Variants in BICD1 observed in about 807,000 individuals in gnomAD.
BICD1 encodes the protein BICD cargo adaptor 1, also known as protein bicaudal D homolog 1.
A neutral mutation model predicts 92.5 loss-of-function variants in BICD1; 35 were observed. That is an observed-to-expected ratio of 0.38 (90% CI 0.29 to 0.50). The LOEUF (loss-of-function observed/expected upper bound fraction) is 0.50, where lower values mean the gene tolerates loss of function less well. BICD1 is among the 20% of genes least tolerant of loss of function. The pLI, the probability that BICD1 is intolerant of heterozygous loss-of-function variation, is 0.93. For missense variants in BICD1, 950 were observed against 1,189.8 expected (o/e 0.80, Z 2.97); for synonymous variants, 429 against 465.1 (o/e 0.92, Z 1.00).
At chr12:32,200,533 G>A (rs1454596831) in intron 1 of BICD1, among the ~76,000 whole-genome samples, 2 of 152,194 alleles carry the variant, frequency 1.3e-5, no homozygotes, top group Admixed American at 6.5e-5. Context: ...GCAGTAGATA[G>A]TATGGTATAT....
At chr12:32,341,075 A>C (rs1565683804) in intron 8 of BICD1, among the ~76,000 whole-genome samples, 1 of 152,044 alleles carries the variant, frequency 6.6e-6, no homozygotes. Flanking sequence ...ACATCTTACA[A>C]CTCTAAAGTC....
intron 2 of BICD1, among the ~76,000 whole-genome samples, chr12:32,286,462 A>T (rs1207435660): frequency 6.6e-6 from 1 of 152,244 alleles, no homozygotes; most frequent in African/African-American, 2.4e-5. Context: ...CAAAAAAAGA[A>T]TGTAATGAAA....
At chr12:32,367,959 T>C (rs1939588718) in intron 9 of BICD1, 3 of 528,416 alleles carry the variant, frequency 5.7e-6, no homozygotes, top group African/African-American at 5.7e-5. Flanking sequence ...GGCTGCCAGC[T>C]GGTAGACTCT....
In BICD1 at chr12:32,173,520, C is replaced by T. The variant is rs568879353; in HGVS notation, c.214-42727C>T. On this transcript the variant is annotated intron_variant, in intron 1 of 9. Transcript: ENST00000652176. ...TCTCAGCTATCTATGAGAGCTGTAGCTTACATTGTGATCATTCTGGTAAAT... is the reference window on the plus strand; with the variant it reads ...TCTCAGCTATCTATGAGAGCTGTAGTTTACATTGTGATCATTCTGGTAAAT... Among the ~76,000 whole-genome samples the T allele has an allele frequency of 2.6e-5, 4 of 152,274 alleles. No homozygotes were observed. In the South Asian group the frequency reaches 8.3e-4, roughly 32 times the overall value.
At chr12:32,347,500 T>A (rs2136298705) in intron 8 of BICD1, among the ~76,000 whole-genome samples, 1 of 151,816 alleles carries the variant, frequency 6.6e-6, no homozygotes, top group East Asian at 2.0e-4. Context: ...TAGCTGGGCA[T>A]GGTGGTGCGT....
At chr12:32,331,978 G>C (rs1036528420) in intron 5 of BICD1, among the ~76,000 whole-genome samples, 1 of 151,990 alleles carries the variant, frequency 6.6e-6, no homozygotes, top group Non-Finnish European at 1.5e-5. Context: ...AGAATTCTGG[G>C]GTACAGGGGA....
At chr12:32,346,958 T>C (rs1263263486) in intron 8 of BICD1, among the ~76,000 whole-genome samples, 5 of 150,248 alleles carry the variant, frequency 3.3e-5, no homozygotes, top group Admixed American at 1.3e-4. Context: ...CTTTTCTTTT[T>C]TTTTTTTTTT....
At chr12:32,226,035 T>C (rs2121576146) in intron 2 of BICD1, among the ~76,000 whole-genome samples, 1 of 152,268 alleles carries the variant, frequency 6.6e-6, no homozygotes, top group East Asian at 1.9e-4. Flanking sequence ...TTTCATGTGC[T>C]TGTTTGCCTT....
intron 2 of BICD1, among the ~76,000 whole-genome samples, chr12:32,225,959 T>A (rs1381961645): frequency 1.3e-5 from 2 of 152,108 alleles, no homozygotes; most frequent in East Asian, 1.9e-4. Flanking sequence ...CTCTAATAGG[T>A]GTGTAGTGAT....
chr12:32,236,872 C>CTTTT (rs57318640), intron 2 of BICD1, among the ~76,000 whole-genome samples: 17 of 89,312 alleles, frequency 1.9e-4, no homozygotes, highest in African/African-American at 2.3e-4. Flanking sequence ...AAGTCTAATT[C>CTTTT]TTTTTTTTTT....
At chr12:32,160,588 GATTCAAATTACTTTT>G (rs1453287941) in intron 1 of BICD1, among the ~76,000 whole-genome samples, 1 of 151,996 alleles carries the variant, frequency 6.6e-6, no homozygotes. Context: ...AGAGCTAACT[GATTCAAATTACTTTT>G]ATTCCTTATC....
intron 3 of BICD1, among the ~76,000 whole-genome samples, chr12:32,301,191 C>G (rs959858456): frequency 6.6e-6 from 1 of 152,166 alleles, no homozygotes; most frequent in Non-Finnish European, 1.5e-5. Context: ...ACACTTCATC[C>G]TCAGTTTCCC....
chr12:32,235,701 T>TC (rs1565607679), intron 2 of BICD1, among the ~76,000 whole-genome samples: 4 of 141,602 alleles, frequency 2.8e-5, no homozygotes, highest in East Asian at 1.9e-4. Flanking sequence ...CTTTTTCTTT[T>TC]CTTTTTTTTT....
intron 2 of BICD1, among the ~76,000 whole-genome samples, chr12:32,252,022 C>T (rs372193081): frequency 0.011 from 385 of 33,656 alleles, no homozygotes; most frequent in African/African-American, 0.015. Flanking sequence ...TAATAAATAT[C>T]ATATATTTAT....
chr12:32,227,129 A>G (rs916011792), intron 2 of BICD1, among the ~76,000 whole-genome samples: 1 of 150,998 alleles, frequency 6.6e-6, no homozygotes. Context: ...GCAAAAATAG[A>G]ACAAGGGGGG....
chr12:32,313,847 G>T lies in BICD1; in HGVS notation c.1005+7725G>T, dbSNP rs1431440083. On this transcript the variant is annotated intron_variant, in intron 4 of 9. Transcript: ENST00000652176. The surrounding 1 kb of genome is among the most constrained non-coding windows in gnomAD (Gnocchi z 4.2). ...CCAGAAAAAATTAGCTGGGCACGGT[G>T]GTGCGTGCCTATAGTCCCAGCTACT... is the stretch of plus-strand genomic sequence containing the variant. Among the ~76,000 whole-genome samples, 1 of 152,138 alleles carries T rather than the reference G, an allele frequency of 6.6e-6. No individual in the cohort carries two copies. The highest frequency in any genetic ancestry group is 2.4e-5 in the African/African-American group (1 of 41,446).
intron 8 of BICD1, among the ~76,000 whole-genome samples, chr12:32,343,453 A>C (rs1241893868): frequency 6.6e-6 from 1 of 151,940 alleles, no homozygotes; most frequent in Non-Finnish European, 1.5e-5. Context: ...CACAGGCGGG[A>C]GTTGTTATTT....
intron 8 of BICD1, among the ~76,000 whole-genome samples, chr12:32,347,029 G>A (rs1175287901): frequency 6.8e-6 from 1 of 146,454 alleles, no homozygotes; most frequent in Non-Finnish European, 1.5e-5. Context: ...TTGCCTCACC[G>A]CAACCTCCGC....
intron 2 of BICD1, among the ~76,000 whole-genome samples, chr12:32,272,786 C>T (rs1175708431): frequency 2.0e-5 from 3 of 152,124 alleles, no homozygotes; most frequent in Admixed American, 6.5e-5. Flanking sequence ...TCAAGATTTT[C>T]CATTTCAATG....
Sources: gnomAD v4.1 joint callset for allele counts (sites outside exome capture counted in the v4.1 genomes callset) on GRCh38, gnomAD v4.1.1 for gene constraint, Gnocchi (gnomAD v3.1) non-coding constraint, MANE v1.5 for transcripts, NCBI Gene and HGNC (gene_info 2026-07-23, HGNC 2026-07-21) for gene names.